BTBD3: variants seen among roughly 807,000 people sequenced by gnomAD.
BTBD3 encodes BTB/POZ domain-containing protein 3.
In BTBD3, 14 loss-of-function variants were observed where a neutral mutation model predicts 41.6. The ratio of observed to expected loss-of-function variants is 0.34; its 90% CI spans 0.22 to 0.53. The LOEUF (loss-of-function observed/expected upper bound fraction) is 0.53, where lower values mean the gene tolerates loss of function less well. BTBD3 is among the 20% of genes least tolerant of loss of function. The pLI is 0.95. For synonymous variants in BTBD3, 249 were observed against 233.7 expected (o/e 1.07, Z -0.60); for missense variants, 426 against 654.7 (o/e 0.65, Z 3.81).
chr20:11,911,578 GA>G (rs201482646), intron 1 of BTBD3, among the ~76,000 whole-genome samples: 1 of 151,690 alleles, frequency 6.6e-6, no homozygotes, highest in Middle Eastern at 3.4e-3. Flanking sequence ...AAAAATTGCA[GA>G]AAAAAAAAAT....
At chr20:11,915,746 G>A (rs898996085), upstream of BTBD3, among the ~76,000 whole-genome samples, 1 of 152,070 alleles carries the variant, frequency 6.6e-6, no homozygotes, top group African/African-American at 2.4e-5. Flanking sequence ...CTTCTTTGTA[G>A]CACTCTTGTA....
chr20:11,895,976 C>T (rs1017749313), intron 1 of BTBD3, among the ~76,000 whole-genome samples: 2 of 152,102 alleles, frequency 1.3e-5, no homozygotes, highest in African/African-American at 4.8e-5. Flanking sequence ...TCTATGTCTT[C>T]TAGAAAGATC....
chr20:11,900,299 G>A (rs903005842), intron 1 of BTBD3, among the ~76,000 whole-genome samples: 1 of 152,126 alleles, frequency 6.6e-6, no homozygotes, highest in African/African-American at 2.4e-5. Flanking sequence ...AGTACTATTG[G>A]CCAAGGCTGA....
intron 2 of BTBD3, 123 bp downstream of exon 2, chr20:11,919,299 G>GGA: frequency 1.5e-6 from 2 of 1,343,160 alleles, no homozygotes; most frequent in Non-Finnish European, 9.9e-7. Context: ...ACTCGATTAG[G>GGA]GAGAGAGCGC....
chr20:11,911,786 G>T (rs2056891069), intron 1 of BTBD3, among the ~76,000 whole-genome samples: 2 of 152,104 alleles, frequency 1.3e-5, no homozygotes, highest in Admixed American at 1.3e-4. Flanking sequence ...CATCTTCAGA[G>T]TATCTCCTGG....
chr20:11,909,091 A>G (rs973269416), intron 1 of BTBD3, among the ~76,000 whole-genome samples: 6 of 152,028 alleles, frequency 3.9e-5, no homozygotes, highest in African/African-American at 7.2e-5. Context: ...CCTGACCAAC[A>G]TGGTGAAACC....
At chr20:11,917,626 T>C (rs931448318), upstream of BTBD3, among the ~76,000 whole-genome samples, 7 of 152,208 alleles carry the variant, frequency 4.6e-5, no homozygotes, top group African/African-American at 1.7e-4. Context: ...GGGGACATAA[T>C]GTATGTCTAC....
In BTBD3 at chr20:11,923,981, T is replaced by C. The variant is rs1310519226; in HGVS notation, c.*315T>C. ...CCTCTCAGTTTTGTCCCTCTGAAGA[T>C]AATTTTGGATCACCTTGAATTTCCT... On this transcript the variant is annotated 3_prime_UTR_variant, in exon 4 of 4. Coordinates refer to ENST00000378226, the MANE Select transcript of BTBD3 (RefSeq NM_014962.4). This position sits in a 1 kb window ranked among gnomAD's most constrained non-coding sequence, Gnocchi z 5.3. 8.2e-6 allele frequency: 2 copies of C among 244,388 alleles called. No homozygotes were observed. The highest frequency in any genetic ancestry group is 7.8e-6 in the Non-Finnish European group (1 of 127,566). 15.1% of individuals were successfully genotyped at this position (244,388 alleles called of 1,614,324 possible). A position where few individuals can be genotyped will look rare whatever the true frequency, so the allele number is the denominator to read the frequency against.
intron 1 of BTBD3, among the ~76,000 whole-genome samples, chr20:11,897,183 C>G (rs1490512955): frequency 6.6e-6 from 1 of 152,110 alleles, no homozygotes; most frequent in African/African-American, 2.4e-5. Context: ...CCTGTTGTCA[C>G]AAATAGTCAC....
At chr20:11,905,616 C>T (rs1453215541) in intron 1 of BTBD3, among the ~76,000 whole-genome samples, 1 of 152,170 alleles carries the variant, frequency 6.6e-6, no homozygotes, top group East Asian at 1.9e-4. Context: ...GTGAGGAGGA[C>T]TGCGGAAAAG....
At chr20:11,917,330 C>T (rs564405498), upstream of BTBD3, among the ~76,000 whole-genome samples, 15 of 152,216 alleles carry the variant, frequency 9.9e-5, no homozygotes, top group Non-Finnish European at 1.8e-4. Context: ...CTGTCAAAGA[C>T]CATTATAGAA....
At chr20:11,920,706 T>C (rs932631393) in intron 3 of BTBD3, among the ~76,000 whole-genome samples, 3 of 152,182 alleles carry the variant, frequency 2.0e-5, no homozygotes, top group Non-Finnish European at 1.5e-5. Flanking sequence ...CACAGCAAAG[T>C]GTATTACTTT....
Position 11,900,808 on chromosome 20 carries a change from C to T in BTBD3, c.-126+9854C>T, listed in dbSNP as rs377200602. On this transcript the variant is annotated intron_variant, in intron 1 of 4. Coordinates refer to the BTBD3 transcript ENST00000254977. ...CTGCAAGCTCTGCCTTCTGGGTTCA[C>T]GCCTTTCTCCCGCCTCAGCCTCCCG... Among the ~76,000 whole-genome samples the T allele has an allele frequency of 5.3e-5, 8 of 151,320 alleles. No homozygotes were observed. In the South Asian group the frequency reaches 6.3e-4, roughly 12 times the overall value.
chr20:11,909,332 T>C (rs1368924776), intron 1 of BTBD3: 1 of 152,092 alleles, frequency 6.6e-6, no homozygotes, highest in Non-Finnish European at 1.5e-5. Flanking sequence ...TAGAAGAGCT[T>C]TTACTGTGAG....
Position 11,922,709 on chromosome 20 carries a change from T to C in BTBD3, c.612T>C (p.Ile204=). ...LATLYAAKKY[I]VPHLARACVN... is the part of the protein sequence containing the mutation. The stretch of plus-strand genomic sequence containing the variant: ...CACTTTATGCTGCCAAAAAGTACAT[T>C]GTCCCTCACCTTGCCAGAGCCTGTG... Residue 204 remains isoleucine, a synonymous_variant, in exon 4 of 4, where the codon ATT becomes ATC. Coordinates refer to ENST00000378226, the MANE Select transcript of BTBD3 (RefSeq NM_014962.4). 2 of 1,614,238 alleles carry C rather than the reference T, an allele frequency of 1.2e-6. No individual in the cohort carries two copies. Among genetic ancestry groups the C allele is most frequent in the Non-Finnish European group, 1.7e-6 (2 of 1,180,044 alleles).
upstream of BTBD3, among the ~76,000 whole-genome samples, chr20:11,916,958 G>A (rs1166124081): frequency 6.6e-6 from 1 of 152,196 alleles, no homozygotes; most frequent in East Asian, 1.9e-4. Context: ...AAAATCAAAT[G>A]GTAGCTTATA....
chr20:11,895,049 C>G (rs2056778285), intron 1 of BTBD3, among the ~76,000 whole-genome samples: 1 of 152,134 alleles, frequency 6.6e-6, no homozygotes, highest in Non-Finnish European at 1.5e-5. Flanking sequence ...CCGCCGCTGC[C>G]TCCTCTTCCT....
upstream of BTBD3, chr20:11,913,569 AAAC>A (rs1360985421): frequency 6.6e-5 from 10 of 152,338 alleles, no homozygotes; most frequent in East Asian, 1.7e-3. Flanking sequence ...TGAATGAAGC[AAAC>A]AACATGACAA....
At chr20:11,892,688 TTAAC>T (rs1458709090) in intron 1 of BTBD3, 1 of 152,226 alleles carries the variant, frequency 6.6e-6, no homozygotes, top group Non-Finnish European at 1.5e-5. Context: ...GATAACTTGT[TTAAC>T]AAACTTCCAA....
Sources: allele counts gnomAD v4.1 joint callset (sites outside exome capture counted in the v4.1 genomes callset), GRCh38; gene constraint gnomAD v4.1.1; non-coding constraint Gnocchi (gnomAD v3.1); transcripts MANE v1.5; gene names NCBI Gene and HGNC (gene_info 2026-07-23, HGNC 2026-07-21).